Variants in SDK2 observed in about 807,000 individuals in gnomAD.
The protein encoded by SDK2 is sidekick cell adhesion molecule 2, also known as protein sidekick-2.
In SDK2, 105 loss-of-function variants were observed where a neutral mutation model predicts 253.9. The observed-to-expected ratio is 0.41, with a 90% CI of 0.35 to 0.49. SDK2 has a LOEUF of 0.49. Ranked by LOEUF, SDK2 falls within the 20% of genes least tolerant of loss-of-function variation. SDK2 has a pLI of 0.06. For missense variants in SDK2, 2,608 were observed against 3,003.0 expected (o/e 0.87, Z 3.07); for synonymous variants, 1,249 against 1,234.9 (o/e 1.01, Z -0.24).
At chr17:73,490,884 C>T (rs2063801722) in intron 2 of SDK2, among the ~76,000 whole-genome samples, 1 of 151,950 alleles carries the variant, frequency 6.6e-6, no homozygotes, top group Non-Finnish European at 1.5e-5. Context: ...TATTAACCAC[C>T]CTACGAGGTC....
chr17:73,409,743 A>G (rs776165416), intron 18 of SDK2, among the ~76,000 whole-genome samples: 2 of 152,204 alleles, frequency 1.3e-5, no homozygotes, highest in Non-Finnish European at 2.9e-5. Flanking sequence ...AAGGCTAAAG[A>G]AGCAGAGGAA....
chr17:73,544,140 G>A (rs2044917436), intron 1 of SDK2, among the ~76,000 whole-genome samples: 1 of 152,232 alleles, frequency 6.6e-6, no homozygotes. Context: ...ACGGTCCCCT[G>A]TATGTACAAA....
At position 73,574,677 on chromosome 17, in the gene SDK2, A is replaced by G. The variant is rs143779880; in HGVS notation, c.65-67080T>C. On this transcript the variant is annotated intron_variant, in intron 1 of 44. Transcript: ENST00000392650. ...CCTTCGGAACCAAGGCAAGCTCTAA[A>G]TGCCTTGCCCTTGCTTCCTTCCTAA... Among the ~76,000 whole-genome samples the G allele has an allele frequency of 3.3e-5, 5 of 152,250 alleles. No individual in the cohort carries two copies. The East Asian group carries it at 9.7e-4, about 29-fold the overall frequency.
chr17:73,406,425 T>G (rs751121083), intron 18 of SDK2, among the ~76,000 whole-genome samples: 29 of 152,198 alleles, frequency 1.9e-4, no homozygotes, highest in Admixed American at 3.9e-4. Flanking sequence ...TTTTTTTGTA[T>G]TTTTAATGGA....
chr17:73,431,353 T>A lies in SDK2; in HGVS notation c.1480+149A>T. 1.4e-6 allele frequency: 1 copy of A among 707,460 alleles called. No homozygotes were observed. Among genetic ancestry groups the A allele is most frequent in the Non-Finnish European group, 2.2e-6 (1 of 458,554 alleles). The allele number at this position is 707,460 out of a possible 1,614,324, so 43.8% of individuals were successfully genotyped here. ...AACCACTTTGTCACTGTCCCTCTGA[T>A]GAGAAGGGCCCTGACTGGGACAGAC... On this transcript the variant is annotated intron_variant, in intron 11 of 44. Coordinates refer to ENST00000392650, the MANE Select transcript of SDK2 (RefSeq NM_001144952.2). This position sits in a 1 kb window ranked among gnomAD's most constrained non-coding sequence, Gnocchi z 5.6.
At chr17:73,342,016 A>G (rs994624424) in intron 44 of SDK2, among the ~76,000 whole-genome samples, 2 of 152,046 alleles carry the variant, frequency 1.3e-5, no homozygotes, top group African/African-American at 4.8e-5. Flanking sequence ...TCTAAAGCCC[A>G]CACACCTCTT....
At chr17:73,504,170 C>G (rs2063911973) in intron 2 of SDK2, among the ~76,000 whole-genome samples, 1 of 141,532 alleles carries the variant, frequency 7.1e-6, no homozygotes, top group Non-Finnish European at 1.5e-5. Flanking sequence ...TCACAAAGGA[C>G]AGAGGAGATG....
Position 73,379,035 on chromosome 17 carries a change from C to T in SDK2, c.4980+142G>A, listed in dbSNP as rs1343524412. 2 of 644,402 alleles carry T rather than the reference C, an allele frequency of 3.1e-6. No individual in the cohort carries two copies. Among genetic ancestry groups the T allele is most frequent in the African/African-American group, 1.8e-5 (1 of 54,986 alleles). 39.9% of individuals were successfully genotyped at this position (644,402 alleles called of 1,614,324 possible). Reference sequence around the variant, plus strand: ...CAAACAGCCAAGGTGGCAGGTGTACCACAGAGCCTGAAGGGCCGAGGAGCT... The same window carrying T: ...CAAACAGCCAAGGTGGCAGGTGTACTACAGAGCCTGAAGGGCCGAGGAGCT... On this transcript the variant is annotated intron_variant, in intron 36 of 44. Coordinates refer to ENST00000392650, the MANE Select transcript of SDK2 (RefSeq NM_001144952.2). The surrounding 1 kb of genome is among the most constrained non-coding windows in gnomAD (Gnocchi z 4.5).
At chr17:73,407,550 T>A (rs1050023383) in intron 18 of SDK2, among the ~76,000 whole-genome samples, 1 of 152,190 alleles carries the variant, frequency 6.6e-6, no homozygotes. Context: ...AGCTCATCTG[T>A]TACCTGATAA....
rs1423258322 is a variant in SDK2 at position 73,612,841 on chromosome 17, C to T, written c.64+31184G>A. Among the ~76,000 whole-genome samples, 1 of 152,132 alleles carries T rather than the reference C, an allele frequency of 6.6e-6. No homozygotes were observed. Among genetic ancestry groups the T allele is most frequent in the African/African-American group, 2.4e-5 (1 of 41,426 alleles). ...CTGAGGCAGGACAATCTCTTGAACC[C>T]AGGAGGCAGAAGTTGCAGTGAGCCA... On this transcript the variant is annotated intron_variant, in intron 1 of 44. Coordinates refer to ENST00000392650, the MANE Select transcript of SDK2 (RefSeq NM_001144952.2). The surrounding 1 kb of genome is among the most constrained non-coding windows in gnomAD (Gnocchi z 4.4).
chr17:73,432,935 A>G (rs1191963804), intron 10 of SDK2, among the ~76,000 whole-genome samples: 1 of 152,082 alleles, frequency 6.6e-6, no homozygotes, highest in Non-Finnish European at 1.5e-5. Context: ...GTGAAGAGGA[A>G]GCACACAGGG....
At chr17:73,579,930 A>G (rs2045510369) in intron 1 of SDK2, among the ~76,000 whole-genome samples, 2 of 151,844 alleles carry the variant, frequency 1.3e-5, no homozygotes, top group Admixed American at 1.3e-4. Context: ...GTGAGCTGAG[A>G]TCGCACCACT....
chr17:73,364,569 T>G (rs1427097306), intron 38 of SDK2, among the ~76,000 whole-genome samples: 1 of 152,126 alleles, frequency 6.6e-6, no homozygotes, highest in Non-Finnish European at 1.5e-5. Context: ...CTGAGAACCC[T>G]AAGGTTTGGG....
intron 3 of SDK2, among the ~76,000 whole-genome samples, chr17:73,466,726 CCG>C (rs200226210): frequency 0.04 from 5,691 of 143,534 alleles, 1,222 homozygotes; most frequent in African/African-American, 0.15. Context: ...CCCCCCCCCC[CCG>C]GCTTAGGCTC....
Position 73,639,509 on chromosome 17 carries a change from G to A in SDK2, c.64+4516C>T, listed in dbSNP as rs546468464. ...CCATTACAGGCAGTGGGCTGCAGCC[G>A]CCAGTTGCTGCTGGCCCATTTGTTG... is the stretch of plus-strand genomic sequence containing the variant. On this transcript the variant is annotated intron_variant, in intron 1 of 44. Transcript: ENST00000392650. The surrounding 1 kb of genome is among the most constrained non-coding windows in gnomAD (Gnocchi z 4.3). Among the ~76,000 whole-genome samples, 1 of 152,202 alleles carries A rather than the reference G, an allele frequency of 6.6e-6. No individual in the cohort carries two copies. The highest frequency in any genetic ancestry group is 1.5e-5 in the Non-Finnish European group (1 of 68,032).
At chr17:73,457,256 T>C (rs2063532760) in intron 3 of SDK2, among the ~76,000 whole-genome samples, 1 of 61,016 alleles carries the variant, frequency 1.6e-5, no homozygotes, top group African/African-American at 8.7e-5. Context: ...CCTTCCTTCC[T>C]TCCTTCCTTC....
At chr17:73,549,020 G>T (rs1475669876) in intron 1 of SDK2, among the ~76,000 whole-genome samples, 1 of 152,222 alleles carries the variant, frequency 6.6e-6, no homozygotes, top group African/African-American at 2.4e-5. Context: ...ACACGTCAAG[G>T]ACTCCTGTCC....
chr17:73,511,656 T>A lies in SDK2; in HGVS notation c.65-4059A>T, dbSNP rs2063981610. On this transcript the variant is annotated intron_variant, in intron 1 of 44. Transcript: ENST00000392650. This position sits in a 1 kb window ranked among gnomAD's most constrained non-coding sequence, Gnocchi z 4.9. ...CCTCACAAGGTTCCTCTCCCCAAGC[T>A]CCTGCGGTGAAGTCACCCCCTCCCG... Among the ~76,000 whole-genome samples the A allele has an allele frequency of 6.6e-6, 1 of 152,074 alleles. No individual in the cohort carries two copies. Among genetic ancestry groups the A allele is most frequent in the East Asian group, 1.9e-4 (1 of 5,182 alleles).
At chr17:73,604,104 C>T (rs1043415230) in intron 1 of SDK2, among the ~76,000 whole-genome samples, 2 of 152,252 alleles carry the variant, frequency 1.3e-5, no homozygotes, top group African/African-American at 4.8e-5. Flanking sequence ...CAGCGTCAGC[C>T]TTCCTGGCCA....
Sources: gnomAD v4.1 joint callset for allele counts (sites outside exome capture counted in the v4.1 genomes callset) on GRCh38, gnomAD v4.1.1 for gene constraint, Gnocchi (gnomAD v3.1) non-coding constraint, MANE v1.5 for transcripts, NCBI Gene and HGNC (gene_info 2026-07-23, HGNC 2026-07-21) for gene names.